Variants in RBFOX1 observed in about 807,000 individuals in gnomAD.
RBFOX1 encodes the protein RNA binding fox-1 homolog 1, also known as RNA binding protein fox-1 homolog 1.
RBFOX1 carries 8 observed loss-of-function variants against 57.7 expected under a neutral mutation model. That is an observed-to-expected ratio of 0.14 (90% CI 0.08 to 0.25). The LOEUF (loss-of-function observed/expected upper bound fraction) is 0.25. RBFOX1 is among the 10% of genes least tolerant of loss of function. RBFOX1 has a pLI of 1.00. For synonymous variants in RBFOX1, 326 were observed against 222.4 expected, an observed-to-expected ratio of 1.47 and a Z score of -4.15; for missense variants, 611 against 548.5, an observed-to-expected ratio of 1.11 and a Z score of -1.14.
chr16:7,181,086 C>G (rs949757201), intron 4 of RBFOX1, among the ~76,000 whole-genome samples: 11 of 152,182 alleles, frequency 7.2e-5, no homozygotes, highest in African/African-American at 2.2e-4. Context: ...GGCTTACTGA[C>G]CCCCTGCTAT....
rs531406889 is a variant in RBFOX1, at chr16:5,747,841, A to T, written c.319-119462A>T. Among the ~76,000 whole-genome samples, 8 of 152,120 alleles carry T rather than the reference A, an allele frequency of 5.3e-5. No individual in the cohort carries two copies. The South Asian group carries it at 1.7e-3, about 32-fold the overall frequency. ...AGAAAACCAGCTCCTGGATTCCTTG[A>T]TTTTTTGAAGGGTTTTTTGTGTCTC... On this transcript the variant is annotated intron_variant, in intron 3 of 19. Transcript: ENST00000641259.
chr16:6,792,891 G>A (rs2083243367), intron 3 of RBFOX1, among the ~76,000 whole-genome samples: 1 of 152,018 alleles, frequency 6.6e-6, no homozygotes, highest in African/African-American at 2.4e-5. Flanking sequence ...TTAGCTGGGT[G>A]TGATGGCGGG....
At chr16:5,460,417 A>G (rs1185321475) in intron 1 of RBFOX1, among the ~76,000 whole-genome samples, 7 of 151,970 alleles carry the variant, frequency 4.6e-5, no homozygotes, top group Non-Finnish European at 1.0e-4. Context: ...ATTTTAAGGG[A>G]CTTGTAAGTT....
In RBFOX1 at chr16:6,823,359, T is replaced by A. The variant is rs553585671; in HGVS notation, c.-16+168709T>A. 2.2e-4 allele frequency among the ~76,000 whole-genome samples: 34 copies of A among 152,124 alleles called. 1 individual carries two copies. In the South Asian group the frequency reaches 2.9e-3, roughly 13 times the overall value. On this transcript the variant is annotated intron_variant, in intron 3 of 15. Transcript: ENST00000550418. ...GCAACCTCCACCTCTTGGATTCAAG[T>A]GATTCTCCTGCCTCAGCCTCCCAAG...
chr16:6,145,638 C>A (rs959254151), intron 1 of RBFOX1, among the ~76,000 whole-genome samples: 4 of 152,108 alleles, frequency 2.6e-5, no homozygotes, highest in Admixed American at 1.3e-4. Flanking sequence ...TCTTAGAGAG[C>A]CTAAATGTTT....
At chr16:6,010,948 T>G (rs1322829603) in intron 4 of RBFOX1, among the ~76,000 whole-genome samples, 1 of 152,222 alleles carries the variant, frequency 6.6e-6, no homozygotes, top group Non-Finnish European at 1.5e-5. Context: ...ATTATGTGAC[T>G]ATAATTTACA....
intron 2 of RBFOX1, among the ~76,000 whole-genome samples, chr16:6,514,920 G>C (rs899504403): frequency 6.6e-6 from 1 of 151,994 alleles, no homozygotes; most frequent in African/African-American, 2.4e-5. Context: ...GAGAAAAGGG[G>C]AGAATGAGGA....
intron 4 of RBFOX1, chr16:7,304,345 C>T: frequency 1.0e-6 from 1 of 985,278 alleles, no homozygotes; most frequent in Non-Finnish European, 1.2e-6. Flanking sequence ...TGATTGCATT[C>T]AAGCGTCCCC....
chr16:7,015,375 C>T (rs1017578568), intron 3 of RBFOX1, among the ~76,000 whole-genome samples: 3 of 152,124 alleles, frequency 2.0e-5, no homozygotes, highest in Non-Finnish European at 4.4e-5. Context: ...AGAACCACCT[C>T]AGAGTTGGCA....
chr16:6,882,939 G>A lies in RBFOX1; in HGVS notation c.-15-169118G>A, dbSNP rs1034099395. Among the ~76,000 whole-genome samples the A allele has an allele frequency of 2.5e-4, 38 of 152,044 alleles. 1 individual carries two copies. Among genetic ancestry groups the A allele is most frequent in the East Asian group, 1.9e-4 (1 of 5,174 alleles). The stretch of plus-strand genomic sequence containing the variant: ...TGAATTGAATCAGGATGTCTTAGGC[G>A]GCTTCCCCTCCTGCTTTAGCAATCA... On this transcript the variant is annotated intron_variant, in intron 3 of 15. Coordinates refer to ENST00000550418, the MANE Select transcript of RBFOX1 (RefSeq NM_018723.4).
At chr16:7,184,934 G>C (rs564040579) in intron 4 of RBFOX1, among the ~76,000 whole-genome samples, 27 of 152,246 alleles carry the variant, frequency 1.8e-4, no homozygotes, top group Non-Finnish European at 3.7e-4. Context: ...CCCAAAGTAC[G>C]TTTGATACTT....
intron 4 of RBFOX1, among the ~76,000 whole-genome samples, chr16:7,178,338 G>A (rs1455654780): frequency 6.6e-6 from 1 of 152,096 alleles, no homozygotes; most frequent in Non-Finnish European, 1.5e-5. Context: ...GTCTTCCAAT[G>A]GTAATTAAAT....
intron 2 of RBFOX1, among the ~76,000 whole-genome samples, chr16:6,598,931 G>A (rs1173631930): frequency 6.7e-6 from 1 of 149,606 alleles, no homozygotes; most frequent in African/African-American, 2.4e-5. Flanking sequence ...GTGTAACAGA[G>A]CAAGACTCCA....
At chr16:6,567,497 G>T (rs1302645238) in intron 2 of RBFOX1, among the ~76,000 whole-genome samples, 2 of 152,158 alleles carry the variant, frequency 1.3e-5, no homozygotes, top group Admixed American at 6.5e-5. Context: ...TCCAGCCACA[G>T]AGACAGTCAC....
chr16:7,463,482 C>A (rs149235564), intron 4 of RBFOX1, among the ~76,000 whole-genome samples: 1 of 152,012 alleles, frequency 6.6e-6, no homozygotes, highest in East Asian at 1.9e-4. Flanking sequence ...GCAGCCTGGG[C>A]GACAGAGTGA....
chr16:7,446,795 G>GTTTTTTTTTT (rs1567209049), intron 4 of RBFOX1, among the ~76,000 whole-genome samples: 2 of 128,090 alleles, frequency 1.6e-5, no homozygotes, highest in African/African-American at 5.9e-5. Flanking sequence ...GGTAGGTCTA[G>GTTTTTTTTTT]GTATTTTTTT....
chr16:6,657,909 T>C (rs1296828894), intron 3 of RBFOX1, among the ~76,000 whole-genome samples: 3 of 152,134 alleles, frequency 2.0e-5, no homozygotes, highest in Non-Finnish European at 4.4e-5. Flanking sequence ...CAAGAATCAC[T>C]TTATTTTTTA....
intron 1 of RBFOX1, among the ~76,000 whole-genome samples, chr16:6,267,172 A>C (rs1436735030): frequency 1.3e-5 from 2 of 152,168 alleles, no homozygotes; most frequent in Non-Finnish European, 2.9e-5. Context: ...CCCAGTCAGG[A>C]ATCTGAAAAA....
intron 4 of RBFOX1, among the ~76,000 whole-genome samples, chr16:7,350,210 C>A (rs530974021): frequency 6.6e-6 from 1 of 151,946 alleles, no homozygotes; most frequent in African/African-American, 2.4e-5. Context: ...ATAGTTGAAA[C>A]AGGAATTAGA....
Sources: allele counts gnomAD v4.1 joint callset (sites outside exome capture counted in the v4.1 genomes callset), GRCh38; gene constraint gnomAD v4.1.1; transcripts MANE v1.5; gene names NCBI Gene and HGNC (gene_info 2026-07-23, HGNC 2026-07-21).